Variants in SUCLG1 observed in about 807,000 individuals in gnomAD.
SUCLG1 encodes the protein succinate-CoA ligase GDP/ADP-forming subunit alpha.
In SUCLG1, 26 loss-of-function variants were observed where a neutral mutation model predicts 37.3. The observed-to-expected ratio is 0.70, with a 90% confidence interval of 0.51 to 0.97. The LOEUF is 0.97. Ranked by LOEUF, SUCLG1 falls within the 50% of genes least tolerant of loss-of-function variation. The probability of loss-of-function intolerance (pLI) is 0.00; values close to 1 mark genes in which losing one functional copy is unlikely to be tolerated. For missense variants in SUCLG1, 433 were observed against 432.9 expected (o/e 1.00, Z 0.00); for synonymous variants, 163 against 155.6 (o/e 1.05, Z -0.36).
At chr2:84,448,013 T>C (rs1672875587) in intron 2 of SUCLG1, among the ~76,000 whole-genome samples, 1 of 152,004 alleles carries the variant, frequency 6.6e-6, no homozygotes, top group Non-Finnish European at 1.5e-5. Flanking sequence ...ATTACAGGTG[T>C]GGGCTACCAC....
chr2:84,455,124 CA>C (rs983940487), intron 1 of SUCLG1, among the ~76,000 whole-genome samples: 5 of 152,144 alleles, frequency 3.3e-5, no homozygotes, highest in African/African-American at 9.7e-5. Flanking sequence ...ACCCACTATT[CA>C]AATGTTAAAT....
chr2:84,429,473 C>T (rs1672583683), intron 7 of SUCLG1, among the ~76,000 whole-genome samples: 2 of 152,264 alleles, frequency 1.3e-5, no homozygotes, highest in South Asian at 4.1e-4. Flanking sequence ...CTTCCATTTA[C>T]ATGACCTGTA....
chr2:84,452,755 C>T (rs1416102023), intron 1 of SUCLG1, among the ~76,000 whole-genome samples: 1 of 152,140 alleles, frequency 6.6e-6, no homozygotes, highest in African/African-American at 2.4e-5. Context: ...GTGTCAGGAC[C>T]ATGTCTTACT....
chr2:84,431,302 G>A (rs1417064759), intron 7 of SUCLG1, among the ~76,000 whole-genome samples: 1 of 152,150 alleles, frequency 6.6e-6, no homozygotes, highest in Non-Finnish European at 1.5e-5. Flanking sequence ...TGATGCCTGG[G>A]GAGGAGAGTT....
chr2:84,444,387 T>C (rs1672816902), intron 2 of SUCLG1, among the ~76,000 whole-genome samples: 1 of 152,156 alleles, frequency 6.6e-6, no homozygotes, highest in South Asian at 2.1e-4. Flanking sequence ...TGATGCCCCC[T>C]AAGCCGTAAA....
chr2:84,444,922 T>C (rs911396737), intron 2 of SUCLG1, among the ~76,000 whole-genome samples: 2 of 152,222 alleles, frequency 1.3e-5, no homozygotes, highest in Admixed American at 6.5e-5. Flanking sequence ...TCTCTCTTGT[T>C]CCCTGAACAT....
Position 84,449,641 on chromosome 2 carries a change from A to G in SUCLG1, c.201+8T>C. On this transcript the variant is annotated splice_region_variant and intron_variant, in intron 2 of 8. Coordinates refer to ENST00000393868, the MANE Select transcript of SUCLG1 (RefSeq NM_003849.4). ...TACATTTGAAAATAAAAATCTAGAT[A>G]TACATACCTGTTTGCCAGTGAAACC... is the stretch of plus-strand genomic sequence containing the variant. 2 of 1,556,698 alleles carry G rather than the reference A, an allele frequency of 1.3e-6. No homozygotes were observed. The highest frequency in any genetic ancestry group is 1.8e-6 in the Non-Finnish European group (2 of 1,138,056).
chr2:84,453,453 A>G (rs915856677), intron 1 of SUCLG1, among the ~76,000 whole-genome samples: 3 of 151,772 alleles, frequency 2.0e-5, no homozygotes, highest in African/African-American at 7.3e-5. Flanking sequence ...TTTACTCTGC[A>G]GCCCAGGCTG....
At chr2:84,436,421 C>A (rs17025038) in intron 5 of SUCLG1, among the ~76,000 whole-genome samples, 1,751 of 152,232 alleles carry the variant, frequency 0.012, 32 homozygotes, top group East Asian at 0.065. Context: ...TGGGATGGAA[C>A]GAACACAAAC....
intron 2 of SUCLG1, among the ~76,000 whole-genome samples, chr2:84,445,559 T>C (rs72937138): frequency 0.053 from 8,057 of 152,168 alleles, 460 homozygotes; most frequent in African/African-American, 0.14. Flanking sequence ...CTCCCCTCCA[T>C]CTACCCCATC....
At chr2:84,435,419 AAAC>A (rs1443397858) in intron 5 of SUCLG1, among the ~76,000 whole-genome samples, 38 of 152,344 alleles carry the variant, frequency 2.5e-4, no homozygotes, top group African/African-American at 7.5e-4. Flanking sequence ...TCTGGGGTAG[AAAC>A]AACGTCATTC....
At chr2:84,425,768 G>T in intron 7 of SUCLG1, 165 bp from the exon 8 acceptor site, 1 of 726,008 alleles carries the variant, frequency 1.4e-6, no homozygotes. Context: ...TGAAACCACT[G>T]CATTCTCCTT....
chr2:84,453,706 C>A (rs748994138), intron 1 of SUCLG1, among the ~76,000 whole-genome samples: 3 of 152,212 alleles, frequency 2.0e-5, no homozygotes, highest in Non-Finnish European at 4.4e-5. Flanking sequence ...CAGGAGCCAC[C>A]ATGCCCAGCC....
chr2:84,431,729 T>A, intron 6 of SUCLG1, 70 bp from the exon 7 acceptor site: 1 of 1,525,100 alleles, frequency 6.6e-7, no homozygotes, highest in Non-Finnish European at 9.1e-7. Context: ...TCAATAAATG[T>A]TTTTAACTAG....
chr2:84,443,844 A>G (rs1221972885), intron 2 of SUCLG1, among the ~76,000 whole-genome samples: 3 of 152,206 alleles, frequency 2.0e-5, no homozygotes, highest in African/African-American at 7.2e-5. Context: ...AAAAAAAACA[A>G]AAAAACATGT....
At chr2:84,434,997 T>C (rs1672664526) in intron 5 of SUCLG1, among the ~76,000 whole-genome samples, 1 of 152,198 alleles carries the variant, frequency 6.6e-6, no homozygotes, top group South Asian at 2.1e-4. Context: ...TAGATGCATT[T>C]CACTAGACAG....
intron 2 of SUCLG1, chr2:84,448,812 T>C (rs575130323): frequency 4.3e-4 from 83 of 192,178 alleles, no homozygotes; most frequent in Non-Finnish European, 8.0e-4. Context: ...ATATATATTA[T>C]ATGCTGGATA....
chr2:84,433,893 G>A (rs1672646054), intron 5 of SUCLG1: 1 of 194,618 alleles, frequency 5.1e-6, no homozygotes, highest in African/African-American at 2.4e-5. Context: ...CCCGGTGGGA[G>A]GTGTTTGGGT....
rs1041769806 is a variant in SUCLG1, at chr2:84,435,616, T to C, written c.590-2181A>G. Among the ~76,000 whole-genome samples the C allele has an allele frequency of 1.1e-4, 16 of 152,330 alleles. 1 individual carries two copies. In the East Asian group the frequency reaches 2.7e-3, roughly 26 times the overall value. The stretch of plus-strand genomic sequence containing the variant: ...GTTCATTATAATAGTAAAAACCACA[T>C]CCCTGTGTGGAGATTTTAAATGCTA... On this transcript the variant is annotated intron_variant, in intron 5 of 8. Transcript: ENST00000393868.
Sources: allele counts gnomAD v4.1 joint callset (sites outside exome capture counted in the v4.1 genomes callset), GRCh38; gene constraint gnomAD v4.1.1; transcripts MANE v1.5; gene names NCBI Gene and HGNC (gene_info 2026-07-23, HGNC 2026-07-21).